Variants in MEIOB observed in about 807,000 individuals in gnomAD.
The protein encoded by MEIOB is meiosis specific with OB-fold.
A neutral mutation model predicts 53.1 loss-of-function variants in MEIOB; 50 were observed. That is an observed-to-expected ratio of 0.94 (90% CI 0.75 to 1.19). The LOEUF (loss-of-function observed/expected upper bound fraction) is 1.19, where lower values mean the gene tolerates loss of function less well. Ranked by LOEUF, MEIOB falls within the 50% of genes most tolerant of loss-of-function variation. The pLI is 0.00. For missense variants in MEIOB, 551 were observed against 550.8 expected, an observed-to-expected ratio of 1.00 and a Z score of 0.00; for synonymous variants, 192 against 182.5, an observed-to-expected ratio of 1.05 and a Z score of -0.42.
At chr16:1,844,444 CT>C (rs1227990380) in intron 10 of MEIOB, among the ~76,000 whole-genome samples, 4 of 151,778 alleles carry the variant, frequency 2.6e-5, no homozygotes, top group Non-Finnish European at 4.4e-5. Flanking sequence ...TATTGTGTTT[CT>C]TTTATTTTTT....
At chr16:1,862,147 A>C (rs1191138335) in intron 3 of MEIOB, 31 bp from the exon 4 acceptor site, 2 of 1,533,888 alleles carry the variant, frequency 1.3e-6, no homozygotes, top group East Asian at 4.9e-5. Flanking sequence ...TTATTTTTCA[A>C]ATGAAGAGTT....
At chr16:1,844,012 A>C (rs1211590694) in intron 10 of MEIOB, among the ~76,000 whole-genome samples, 1 of 152,034 alleles carries the variant, frequency 6.6e-6, no homozygotes, top group African/African-American at 2.4e-5. Context: ...TTTATCTATA[A>C]TATTTTTATG....
Position 1,854,093 on chromosome 16 carries a change from T to G in MEIOB, c.629+7A>C. On this transcript the variant is annotated splice_region_variant and intron_variant, in intron 7 of 13. Transcript: ENST00000325962. Reference sequence around the variant, plus strand: ...TTTCACAGTTTGGAACAGACATCGGTGTTTACCATGTCATCGCAAAAGACG... The same window carrying G: ...TTTCACAGTTTGGAACAGACATCGGGGTTTACCATGTCATCGCAAAAGACG... The G allele has an allele frequency of 6.7e-7, 1 of 1,503,734 alleles. No individual in the cohort carries two copies. The highest frequency in any genetic ancestry group is 9.1e-7 in the Non-Finnish European group (1 of 1,103,874). 93.1% of individuals were successfully genotyped at this position (1,503,734 alleles called of 1,614,324 possible).
At chr16:1,854,837 A>G (rs1445894102) in intron 6 of MEIOB, among the ~76,000 whole-genome samples, 1 of 152,008 alleles carries the variant, frequency 6.6e-6, no homozygotes, top group Non-Finnish European at 1.5e-5. Context: ...CAAGTTAAAA[A>G]AAAAAAAAAA....
intron 11 of MEIOB, 136 bp downstream of exon 11, chr16:1,841,684 T>G: frequency 3.9e-6 from 2 of 509,804 alleles, no homozygotes; most frequent in Non-Finnish European, 3.1e-6. Flanking sequence ...TTCAGTACAG[T>G]TTTTTACACA....
chr16:1,845,019 ATTTAAATCAT>A lies in MEIOB; in HGVS notation c.779-66_779-57del, dbSNP rs1898997059. 50 of 783,776 alleles carry A rather than the reference ATTTAAATCAT, an allele frequency of 6.4e-5. 2 individuals are homozygous for A. The South Asian group carries it at 8.0e-4, about 13-fold the overall frequency. 48.6% of individuals were successfully genotyped at this position (783,776 alleles called of 1,614,324 possible). A position where few individuals can be genotyped will look rare whatever the true frequency, so the allele number is the denominator to read the frequency against. On this transcript the variant is annotated intron_variant, in intron 9 of 13. Transcript: ENST00000325962. ...GCAAACTGATTATCATTTAAATCACATTTAAATCATCCAAAATCATTTTAATAGTAAAAAG... is the reference window on the plus strand; with the variant it reads ...GCAAACTGATTATCATTTAAATCACACCAAAATCATTTTAATAGTAAAAAG...
chr16:1,862,071 G>A lies in MEIOB; in HGVS notation c.173C>T (p.Ser58Leu), dbSNP rs1165765660. 3.2e-6 allele frequency: 5 copies of A among 1,551,206 alleles called. No individual in the cohort carries two copies. The highest frequency in any genetic ancestry group is 4.4e-6 in the Non-Finnish European group (5 of 1,146,696). The change falls in exon 4 of 14, where the codon TCA becomes TTA. Residue 58 changes from serine to leucine, a missense_variant. Coordinates refer to ENST00000325962, the MANE Select transcript of MEIOB (RefSeq NM_001163560.3). ...AGCTGCATTTACAAAATGTGCTGGT[G>A]AATCCCGAATGGTGAAGCTGAAAGT... ...RYTFSFTIRD[S>L]PAHFVNAASW...
intron 10 of MEIOB, among the ~76,000 whole-genome samples, chr16:1,843,999 CTATT>C (rs1246889705): frequency 3.3e-5 from 5 of 151,742 alleles, no homozygotes; most frequent in Non-Finnish European, 7.4e-5. Flanking sequence ...TGATGTGTAT[CTATT>C]TATCTATAAT....
chr16:1,841,548 C>T (rs964936088), intron 11 of MEIOB, among the ~76,000 whole-genome samples: 13 of 152,030 alleles, frequency 8.6e-5, no homozygotes, highest in Non-Finnish European at 1.2e-4. Context: ...TAGCTTTCTG[C>T]CAAATCATTA....
chr16:1,854,513 CTCGAG>C (rs1899252527), intron 6 of MEIOB, among the ~76,000 whole-genome samples: 1 of 152,208 alleles, frequency 6.6e-6, no homozygotes, highest in Non-Finnish European at 1.5e-5. Context: ...ACGTGGACTC[CTCGAG>C]GGCAGGGACT....
In MEIOB at chr16:1,872,162, C is replaced by CCCGCCCCGTCCTCAGCGACT. The variant is rs1899775497; in HGVS notation, c.-180_-179insAGTCGCTGAGGACGGGGCGG. 2 of 152,124 alleles carry CCCGCCCCGTCCTCAGCGACT rather than the reference C, an allele frequency of 1.3e-5. No homozygotes were observed. Among genetic ancestry groups the CCCGCCCCGTCCTCAGCGACT allele is most frequent in the South Asian group, 2.1e-4 (1 of 4,826 alleles). The allele number at this position is 152,124 out of a possible 1,614,324, so 9.4% of individuals were successfully genotyped here. ...GGCCGCGCGACCGTTAGCGCGAGGCCCCGCCCCGTCCTCAGCGACTCCGCC... is the reference window on the plus strand; with the variant it reads ...GGCCGCGCGACCGTTAGCGCGAGGCCCCGCCCCGTCCTCAGCGACTCCGCCCCGTCCTCAGCGACTCCGCC... On this transcript the variant is annotated 5_prime_UTR_variant, in exon 1 of 14. Transcript: ENST00000325962.
Position 1,841,959 on chromosome 16 carries a change from C to G in MEIOB, c.895G>C (p.Asp299His). The G allele has an allele frequency of 6.3e-7, 1 of 1,591,214 alleles. No homozygotes were observed. Among genetic ancestry groups the G allele is most frequent in the Non-Finnish European group, 8.5e-7 (1 of 1,170,070 alleles). ...KESINLSTIV[D>H]VYTVEQLKGK... ...TTTAATTGTTCAACTGTGTAGACAT[C>G]AACTATTGTACTTACTAAAAACAGA... Residue 299 changes from aspartate (D) to histidine (H), a missense_variant, in exon 11 of 14, where the codon GAT becomes CAT. Physicochemically the swap from Asp to His is moderately conservative, Grantham distance 81 (BLOSUM62 -1). Coordinates refer to ENST00000325962, the MANE Select transcript of MEIOB (RefSeq NM_001163560.3).
intron 10 of MEIOB, among the ~76,000 whole-genome samples, chr16:1,842,479 C>T (rs1898935566): frequency 1.4e-5 from 2 of 147,858 alleles, no homozygotes; most frequent in South Asian, 2.2e-4. Flanking sequence ...AAAAATTAGC[C>T]AGGCATGGTG....
intron 10 of MEIOB, 60 bp downstream of exon 10, chr16:1,844,802 C>T (rs1898990194): frequency 2.5e-6 from 2 of 793,542 alleles, no homozygotes; most frequent in Non-Finnish European, 4.3e-6. Context: ...GTCAAACAAA[C>T]CTTTACAGGC....
At chr16:1,871,805 A>G (rs1899760020) in intron 1 of MEIOB, among the ~76,000 whole-genome samples, 188 bp downstream of exon 1, 1 of 5,092 alleles carries the variant, frequency 2.0e-4, no homozygotes, top group South Asian at 4.9e-3. Context: ...TAAAAATACA[A>G]AAAAAATTAG....
chr16:1,842,750 G>A (rs1319225611), intron 10 of MEIOB, among the ~76,000 whole-genome samples: 1 of 150,264 alleles, frequency 6.7e-6, no homozygotes, highest in Non-Finnish European at 1.5e-5. Context: ...TGCAAGCTCC[G>A]CCTCCCAGGT....
At chr16:1,847,482 A>C (rs1019248763) in intron 9 of MEIOB, among the ~76,000 whole-genome samples, 1 of 151,792 alleles carries the variant, frequency 6.6e-6, no homozygotes, top group Non-Finnish European at 1.5e-5. Flanking sequence ...CAAACAAAAA[A>C]AGCCTATTTT....
chr16:1,864,909 CTATT>C (rs1277056488), intron 3 of MEIOB, among the ~76,000 whole-genome samples: 5 of 152,154 alleles, frequency 3.3e-5, no homozygotes, highest in Non-Finnish European at 5.9e-5. Context: ...CTTCCTCAAA[CTATT>C]TATTTAGTAT....
intron 12 of MEIOB, among the ~76,000 whole-genome samples, chr16:1,838,761 G>C (rs986034913): frequency 2.0e-5 from 3 of 151,892 alleles, no homozygotes; most frequent in African/African-American, 7.3e-5. Flanking sequence ...GCGTGATCTT[G>C]GCTCACTGCA....
Sources: allele counts gnomAD v4.1 joint callset (sites outside exome capture counted in the v4.1 genomes callset), GRCh38; gene constraint gnomAD v4.1.1; transcripts MANE v1.5; gene names NCBI Gene and HGNC (gene_info 2026-07-23, HGNC 2026-07-21).